Variants in SLIT3 observed in about 807,000 individuals in gnomAD.
SLIT3 encodes the protein slit guidance ligand 3, also known as slit homolog 3 protein.
A neutral mutation model predicts 184.0 loss-of-function variants in SLIT3; 68 were observed. That is an observed-to-expected ratio of 0.37 (90% confidence interval 0.30 to 0.45). SLIT3 has a LOEUF of 0.45. SLIT3 is among the 20% of genes least tolerant of loss of function. SLIT3 has a pLI of 1.00. For synonymous variants in SLIT3, 831 were observed against 828.6 expected (o/e 1.00, Z -0.05); for missense variants, 1,707 against 2,026.0 (o/e 0.84, Z 3.02).
chr5:168,695,328 G>C (rs769830438), intron 28 of SLIT3, among the ~76,000 whole-genome samples: 1 of 152,178 alleles, frequency 6.6e-6, no homozygotes, highest in Non-Finnish European at 1.5e-5. Flanking sequence ...AATAGTGTTC[G>C]AGGATGGGGA....
chr5:169,300,628 C>T lies in SLIT3; in HGVS notation c.82G>A (p.Gly28Arg). The part of the protein sequence containing the change: ...LALALASVLS[G>R]PPAVACPTKC... ...GTGGGGCAGGCGACGGCTGGAGGCC[C>T]ACTCAGGACGCTCGCCAGCGCCAAG... Residue 28 changes from glycine to arginine, a missense_variant, in exon 1 of 36, where the codon GGG becomes AGG. Gly to Arg is a moderately radical substitution (Grantham distance 125). Coordinates refer to ENST00000519560, the MANE Select transcript of SLIT3 (RefSeq NM_003062.4). This position sits in a 1 kb window ranked among gnomAD's most constrained non-coding sequence, Gnocchi z 4.1. 1 of 1,495,206 alleles carries T rather than the reference C, an allele frequency of 6.7e-7. No homozygotes were observed. The highest frequency in any genetic ancestry group is 1.3e-5 in the South Asian group (1 of 79,864). 92.6% of individuals were successfully genotyped at this position (1,495,206 alleles called of 1,614,324 possible).
intron 4 of SLIT3, among the ~76,000 whole-genome samples, chr5:169,085,381 G>A (rs567191219): frequency 6.6e-6 from 1 of 152,202 alleles, no homozygotes; most frequent in South Asian, 2.1e-4. Flanking sequence ...GAGCAGACCT[G>A]GGCAATAAAA....
intron 14 of SLIT3, among the ~76,000 whole-genome samples, chr5:168,765,550 G>C (rs910690192): frequency 1.3e-5 from 2 of 152,114 alleles, no homozygotes; most frequent in African/African-American, 2.4e-5. Flanking sequence ...TTTCATTACC[G>C]AAACTACTCA....
At chr5:169,139,927 C>G (rs1419942644) in intron 4 of SLIT3, among the ~76,000 whole-genome samples, 2 of 152,162 alleles carry the variant, frequency 1.3e-5, no homozygotes, top group African/African-American at 2.4e-5. Flanking sequence ...GATATATTAA[C>G]CGCAGCTCAG....
intron 5 of SLIT3, among the ~76,000 whole-genome samples, chr5:168,878,251 G>A (rs146385406): frequency 6.6e-6 from 1 of 152,216 alleles, no homozygotes; most frequent in Non-Finnish European, 1.5e-5. Flanking sequence ...TAATTGCGTA[G>A]AGTGGCATCC....
chr5:169,077,351 G>A (rs987784533), intron 4 of SLIT3, among the ~76,000 whole-genome samples: 2 of 151,906 alleles, frequency 1.3e-5, no homozygotes, highest in African/African-American at 4.8e-5. Context: ...GCCTGGCCAA[G>A]ATGGTGAAAA....
chr5:168,819,774 T>C (rs559581582), intron 7 of SLIT3, among the ~76,000 whole-genome samples: 1 of 152,360 alleles, frequency 6.6e-6, no homozygotes, highest in South Asian at 2.1e-4. Context: ...CAATCCTGGC[T>C]GGCTGGCCCC....
rs1192020205 is a variant in SLIT3, at chr5:168,967,639, A to G, written c.414-84303T>C. Among the ~76,000 whole-genome samples, 215 of 138,278 alleles carry G rather than the reference A, an allele frequency of 1.6e-3. 5 individuals carry two copies. Among genetic ancestry groups the G allele is most frequent in the African/African-American group, 5.1e-3 (203 of 39,418 alleles). The allele number at this position is 138,278 out of a possible 152,430, so 90.7% of individuals were successfully genotyped here. On this transcript the variant is annotated intron_variant, in intron 4 of 35. Coordinates refer to ENST00000519560, the MANE Select transcript of SLIT3 (RefSeq NM_003062.4). ...GTATTTTTAGTAGAGACGGGGTTTC[A>G]CCGTTTTAGCCGGGATGGTCTCGAT... is the stretch of plus-strand genomic sequence containing the variant.
intron 4 of SLIT3, among the ~76,000 whole-genome samples, chr5:169,063,378 T>C (rs972484245): frequency 6.6e-6 from 1 of 152,198 alleles, no homozygotes; most frequent in African/African-American, 2.4e-5. Context: ...ATGATCCCAT[T>C]CAGCATTCCT....
At chr5:169,137,984 G>T (rs1392984062) in intron 4 of SLIT3, among the ~76,000 whole-genome samples, 1 of 152,074 alleles carries the variant, frequency 6.6e-6, no homozygotes, top group African/African-American at 2.4e-5. Flanking sequence ...AACAGAGAAG[G>T]GAGTCATGCA....
chr5:168,959,961 G>A (rs1762950785), intron 4 of SLIT3, among the ~76,000 whole-genome samples: 2 of 152,170 alleles, frequency 1.3e-5, no homozygotes, highest in Admixed American at 6.5e-5. Flanking sequence ...AAGGCTCAGG[G>A]AGGTTAACTT....
chr5:168,747,675 C>T (rs926805511), intron 20 of SLIT3, among the ~76,000 whole-genome samples: 5 of 152,128 alleles, frequency 3.3e-5, no homozygotes, highest in Non-Finnish European at 7.4e-5. Flanking sequence ...AAGAGGCTAA[C>T]ACCTTTTTCG....
At chr5:169,203,137 A>T (rs978821253) in intron 3 of SLIT3, among the ~76,000 whole-genome samples, 3 of 152,156 alleles carry the variant, frequency 2.0e-5, no homozygotes, top group African/African-American at 7.2e-5. Flanking sequence ...TGGCTGACTC[A>T]CAGGCCTAAG....
intron 8 of SLIT3, among the ~76,000 whole-genome samples, chr5:168,807,497 T>A (rs1218917799): frequency 1.3e-5 from 2 of 152,178 alleles, no homozygotes; most frequent in African/African-American, 4.8e-5. Flanking sequence ...TTTCCAAATG[T>A]GGATTTTTTG....
At chr5:169,071,145 A>G (rs1022870342) in intron 4 of SLIT3, among the ~76,000 whole-genome samples, 2 of 152,208 alleles carry the variant, frequency 1.3e-5, no homozygotes, top group Admixed American at 1.3e-4. Context: ...TGTGCTTGTT[A>G]CAGGCTGTGA....
chr5:168,794,561 C>G (rs550032955), intron 10 of SLIT3, among the ~76,000 whole-genome samples: 2 of 152,234 alleles, frequency 1.3e-5, no homozygotes, highest in East Asian at 3.9e-4. Context: ...TGGTATCACC[C>G]GGCACTGATG....
intron 2 of SLIT3, among the ~76,000 whole-genome samples, chr5:169,246,483 T>C (rs921948590): frequency 3.3e-5 from 5 of 152,066 alleles, no homozygotes; most frequent in African/African-American, 1.2e-4. Context: ...GATATAAGAG[T>C]GGGTTAACTA....
chr5:169,115,744 G>A (rs1760639453), intron 4 of SLIT3, among the ~76,000 whole-genome samples: 1 of 152,194 alleles, frequency 6.6e-6, no homozygotes, highest in Admixed American at 6.5e-5. Flanking sequence ...TAAAATGAGA[G>A]TCATCACTCC....
chr5:168,683,694 C>G (rs988602614), intron 32 of SLIT3, among the ~76,000 whole-genome samples: 1 of 152,202 alleles, frequency 6.6e-6, no homozygotes, highest in Non-Finnish European at 1.5e-5. Flanking sequence ...CGCGCACTCC[C>G]GCACAGTAGC....
Sources: gnomAD v4.1 joint callset for allele counts (sites outside exome capture counted in the v4.1 genomes callset) on GRCh38, gnomAD v4.1.1 for gene constraint, Gnocchi (gnomAD v3.1) non-coding constraint, MANE v1.5 for transcripts, NCBI Gene and HGNC (gene_info 2026-07-23, HGNC 2026-07-21) for gene names.